Variants in IL1RAPL2 observed in about 807,000 individuals in gnomAD.
IL1RAPL2 encodes the protein interleukin 1 receptor accessory protein like 2.
Under a neutral mutation model 44.1 loss-of-function variants are expected in IL1RAPL2, and 3 were observed. The ratio of observed to expected loss-of-function variants is 0.07; its 90% CI spans 0.03 to 0.18. IL1RAPL2 has a LOEUF of 0.18. Among genes scored for constraint, IL1RAPL2 ranks in the 10% least tolerant of loss-of-function variants. IL1RAPL2 has a pLI of 1.00. For missense variants in IL1RAPL2, 391 were observed against 496.4 expected, an observed-to-expected ratio of 0.79 and a Z score of 2.02; for synonymous variants, 181 against 178.8, an observed-to-expected ratio of 1.01 and a Z score of -0.10.
intron 2 of IL1RAPL2, among the ~76,000 whole-genome samples, chrX:104,662,910 T>C (rs141180486): frequency 0.019 from 2,137 of 111,554 alleles, 52 homozygotes; most frequent in African/African-American, 0.065. Context: ...CATCTTACAG[T>C]CAGTTCATCT....
At chrX:105,669,289 G>C (rs2037797080) in intron 6 of IL1RAPL2, among the ~76,000 whole-genome samples, 1 of 111,390 alleles carries the variant, frequency 9.0e-6, no homozygotes, top group Admixed American at 9.6e-5. Flanking sequence ...CGCTTTCTGG[G>C]ATTCATTGGT....
intron 6 of IL1RAPL2, among the ~76,000 whole-genome samples, chrX:105,502,557 T>A (rs1176472715): frequency 9.0e-6 from 1 of 111,460 alleles, no homozygotes; most frequent in Non-Finnish European, 1.9e-5. Flanking sequence ...GTTATTATTA[T>A]AAATGTAATT....
intron 2 of IL1RAPL2, among the ~76,000 whole-genome samples, chrX:104,880,303 G>C (rs1379148627): frequency 9.0e-6 from 1 of 111,152 alleles, no homozygotes; most frequent in Non-Finnish European, 1.9e-5. Context: ...AGCCCTGCCA[G>C]AGATTGGCAC....
chrX:104,599,081 G>A (rs967444964), intron 1 of IL1RAPL2, among the ~76,000 whole-genome samples: 2 of 111,236 alleles, frequency 1.8e-5, no homozygotes, highest in African/African-American at 3.3e-5. Flanking sequence ...GGGTGAAGTG[G>A]GATAAGGAGA....
intron 2 of IL1RAPL2, among the ~76,000 whole-genome samples, chrX:104,706,202 C>T (rs1457717760): frequency 9.0e-6 from 1 of 110,835 alleles, no homozygotes. Flanking sequence ...ACTCTATGCC[C>T]CATTTGTCTT....
intron 4 of IL1RAPL2, among the ~76,000 whole-genome samples, chrX:105,262,217 T>C (rs2034365417): frequency 1.8e-5 from 2 of 111,722 alleles, no homozygotes; most frequent in Admixed American, 1.9e-4. Flanking sequence ...TCAGTTTGTT[T>C]GGCTTTTTTC....
chrX:104,813,141 C>T (rs1037708665), intron 2 of IL1RAPL2, among the ~76,000 whole-genome samples: 3 of 111,703 alleles, frequency 2.7e-5, no homozygotes, highest in Non-Finnish European at 3.8e-5. Flanking sequence ...TATGGCTGGC[C>T]TCATATGGGA....
At chrX:104,895,903 G>C (rs181235276) in intron 2 of IL1RAPL2, among the ~76,000 whole-genome samples, 16 of 111,830 alleles carry the variant, frequency 1.4e-4, no homozygotes, top group African/African-American at 5.2e-4. Context: ...GACTGGAGCT[G>C]TTCCTATTTG....
At chrX:104,639,110 C>T (rs1929883913) in intron 1 of IL1RAPL2, among the ~76,000 whole-genome samples, 1 of 111,388 alleles carries the variant, frequency 9.0e-6, no homozygotes, top group African/African-American at 3.3e-5. Context: ...ATATAATGAA[C>T]TTTTTTGTCT....
chrX:105,727,393 C>T (rs1227568239), intron 7 of IL1RAPL2, among the ~76,000 whole-genome samples: 1 of 111,462 alleles, frequency 9.0e-6, no homozygotes, highest in Non-Finnish European at 1.9e-5. Flanking sequence ...TTCAGCATTG[C>T]TTATTTTAGT....
intron 1 of IL1RAPL2, among the ~76,000 whole-genome samples, chrX:104,633,911 T>C (rs1335536590): frequency 1.8e-5 from 2 of 111,389 alleles, no homozygotes; most frequent in African/African-American, 6.5e-5. Flanking sequence ...GCTCTTGCTT[T>C]TCTAGTTCTT....
chrX:105,031,382 G>A (rs1394899601), intron 2 of IL1RAPL2, among the ~76,000 whole-genome samples: 5 of 110,621 alleles, frequency 4.5e-5, no homozygotes, highest in African/African-American at 1.7e-4. Context: ...CTGTGGGTTT[G>A]TCATAGATAG....
At chrX:104,724,990 C>T (rs1602698571) in intron 2 of IL1RAPL2, among the ~76,000 whole-genome samples, 1 of 111,303 alleles carries the variant, frequency 9.0e-6, no homozygotes, top group East Asian at 2.9e-4. Context: ...CACCCATCAA[C>T]TCGTCAACTA....
chrX:104,954,533 C>CT, intron 2 of IL1RAPL2, among the ~76,000 whole-genome samples: 1 of 111,882 alleles, frequency 8.9e-6, no homozygotes, highest in South Asian at 3.7e-4. Context: ...TCCTTTCTTT[C>CT]TTTTCTTTTT....
intron 2 of IL1RAPL2, among the ~76,000 whole-genome samples, chrX:105,056,929 G>A (rs2147530173): frequency 1.2e-5 from 1 of 80,147 alleles, no homozygotes; most frequent in African/African-American, 4.7e-5. Context: ...ATGTTTTTAG[G>A]TCAAAACACA....
chrX:104,917,022 A>G (rs889370440), intron 2 of IL1RAPL2, among the ~76,000 whole-genome samples: 1 of 111,739 alleles, frequency 8.9e-6, no homozygotes, highest in Non-Finnish European at 1.9e-5. Context: ...ATATTGGTCT[A>G]AAATTCTCTT....
intron 2 of IL1RAPL2, among the ~76,000 whole-genome samples, chrX:104,693,442 C>T (rs900088996): frequency 4.5e-5 from 5 of 111,639 alleles, no homozygotes; most frequent in Non-Finnish European, 9.4e-5. Context: ...CTTAAATGCA[C>T]ATAGGACATT....
chrX:104,640,952 T>C (rs1929922600), intron 1 of IL1RAPL2, among the ~76,000 whole-genome samples: 1 of 112,232 alleles, frequency 8.9e-6, no homozygotes, highest in African/African-American at 3.2e-5. Context: ...TGTTGACAAT[T>C]TCTGGCAGGT....
chrX:105,711,169 T>G (rs1019886151), intron 6 of IL1RAPL2, among the ~76,000 whole-genome samples: 1 of 110,276 alleles, frequency 9.1e-6, no homozygotes, highest in East Asian at 2.9e-4. Context: ...AAACTATTAA[T>G]GGGTCTCTTA....
Sources: allele counts gnomAD v4.1 joint callset (sites outside exome capture counted in the v4.1 genomes callset), GRCh38; gene constraint gnomAD v4.1.1; transcripts MANE v1.5; gene names NCBI Gene and HGNC (gene_info 2026-07-23, HGNC 2026-07-21).